EXOC4: variants seen among roughly 807,000 people sequenced by gnomAD.
EXOC4 encodes the protein exocyst complex component 4.
A neutral mutation model predicts 107.2 loss-of-function variants in EXOC4; 71 were observed. That is an observed-to-expected ratio of 0.66 (90% CI 0.55 to 0.81). The LOEUF is 0.81. EXOC4 is among the 30% of genes least tolerant of loss of function. EXOC4 has a pLI of 0.00. For synonymous variants in EXOC4, 456 were observed against 441.2 expected (o/e 1.03, Z -0.42); for missense variants, 1,108 against 1,189.6 (o/e 0.93, Z 1.01).
chr7:133,846,026 A>G lies in EXOC4; in HGVS notation c.1734+28482A>G, dbSNP rs530323727. 4.6e-5 allele frequency among the ~76,000 whole-genome samples: 7 copies of G among 152,170 alleles called. No individual in the cohort carries two copies. The East Asian group carries it at 1.4e-3, about 29-fold the overall frequency. On this transcript the variant is annotated intron_variant, in intron 11 of 17. Transcript: ENST00000253861. ...CCTTTTAATCCTCACAGTCCCCCAC[A>G]CACACACACGAGAACTTTATACCCC... is the stretch of plus-strand genomic sequence containing the variant.
chr7:133,833,822 C>T (rs951724364), intron 11 of EXOC4, among the ~76,000 whole-genome samples: 1 of 152,206 alleles, frequency 6.6e-6, no homozygotes, highest in Non-Finnish European at 1.5e-5. Flanking sequence ...GCCTCGGCCT[C>T]CCAACATGTT....
At chr7:133,461,952 G>A (rs1445701335) in intron 7 of EXOC4, among the ~76,000 whole-genome samples, 1 of 152,160 alleles carries the variant, frequency 6.6e-6, no homozygotes, top group East Asian at 1.9e-4. Context: ...ATTAGAGTGA[G>A]ATATCATAGT....
At chr7:134,041,322 T>A (rs926546263) in intron 17 of EXOC4, among the ~76,000 whole-genome samples, 106 of 152,296 alleles carry the variant, frequency 7.0e-4, no homozygotes, top group African/African-American at 2.5e-3. Flanking sequence ...ATATTCTTAA[T>A]AAAAATGGCA....
In EXOC4 at chr7:133,858,620, C is replaced by T. The variant is rs1033919331; in HGVS notation, c.1735-36979C>T. On this transcript the variant is annotated intron_variant, in intron 11 of 17. Coordinates refer to ENST00000253861, the MANE Select transcript of EXOC4 (RefSeq NM_021807.4). ...TCCTGCTGCTATCATTAATAACCTA[C>T]GACTAAACAGACATAATTTTATTGG... Among the ~76,000 whole-genome samples, 7 of 152,228 alleles carry T rather than the reference C, an allele frequency of 4.6e-5. 1 individual carries two copies. In the South Asian group the frequency reaches 1.5e-3, roughly 32 times the overall value.
intron 10 of EXOC4, among the ~76,000 whole-genome samples, chr7:133,675,552 G>T (rs1451478250): frequency 6.6e-6 from 1 of 152,172 alleles, no homozygotes; most frequent in Non-Finnish European, 1.5e-5. Flanking sequence ...CCATAGTTCT[G>T]TATCAGGGAA....
At chr7:133,886,777 C>G (rs1273575200) in intron 11 of EXOC4, among the ~76,000 whole-genome samples, 1 of 151,966 alleles carries the variant, frequency 6.6e-6, no homozygotes, top group African/African-American at 2.4e-5. Context: ...CTAAAGAGAT[C>G]AAATAAATAA....
chr7:133,995,273 G>A (rs775396339), intron 14 of EXOC4, among the ~76,000 whole-genome samples: 12 of 152,066 alleles, frequency 7.9e-5, no homozygotes, highest in South Asian at 2.1e-4. Context: ...GTTTCTTGGC[G>A]GGATTTGTCC....
chr7:133,505,742 T>C (rs975252392), intron 9 of EXOC4, among the ~76,000 whole-genome samples: 1 of 152,172 alleles, frequency 6.6e-6, no homozygotes, highest in African/African-American at 2.4e-5. Flanking sequence ...AGCTTAATAG[T>C]GTAATAACAA....
At chr7:133,924,633 G>A (rs1036165687) in intron 13 of EXOC4, among the ~76,000 whole-genome samples, 2 of 152,126 alleles carry the variant, frequency 1.3e-5, no homozygotes, top group African/African-American at 4.8e-5. Flanking sequence ...AATCTTAAGT[G>A]TATAACTAAA....
chr7:133,820,567 G>C (rs1368025369), intron 11 of EXOC4, among the ~76,000 whole-genome samples: 1 of 152,172 alleles, frequency 6.6e-6, no homozygotes, highest in East Asian at 1.9e-4. Flanking sequence ...TGTTAAGAAG[G>C]AGCTTGGAGA....
intron 10 of EXOC4, among the ~76,000 whole-genome samples, chr7:133,681,811 G>T (rs1283365943): frequency 6.6e-6 from 1 of 151,922 alleles, no homozygotes; most frequent in Non-Finnish European, 1.5e-5. Context: ...TCCTTCATCG[G>T]TTGTACGTTT....
chr7:133,999,655 G>A (rs754025849), intron 15 of EXOC4, among the ~76,000 whole-genome samples: 13 of 152,114 alleles, frequency 8.5e-5, no homozygotes, highest in Non-Finnish European at 1.6e-4. Context: ...TTCTAATGCC[G>A]CTGTTACCTG....
At chr7:133,379,257 C>A (rs1796560885) in intron 7 of EXOC4, among the ~76,000 whole-genome samples, 1 of 152,010 alleles carries the variant, frequency 6.6e-6, no homozygotes, top group South Asian at 2.1e-4. Context: ...ATTTTTGCCC[C>A]TCCAGTAGAG....
chr7:133,971,243 G>A (rs372502617), intron 14 of EXOC4, among the ~76,000 whole-genome samples: 5 of 148,974 alleles, frequency 3.4e-5, no homozygotes, highest in African/African-American at 9.8e-5. Context: ...TTGTTACGAA[G>A]ACCAGTAGGG....
intron 10 of EXOC4, among the ~76,000 whole-genome samples, chr7:133,713,888 T>C (rs911177819): frequency 6.6e-6 from 1 of 152,166 alleles, no homozygotes; most frequent in Non-Finnish European, 1.5e-5. Context: ...CCTCTTTCCT[T>C]TATAAATTAC....
Position 133,346,612 on chromosome 7 carries a change from A to C in EXOC4, c.764-9718A>C, listed in dbSNP as rs187888306. ...GTCAGTATTCTCAGGCCAGGTTCTC[A>C]TCTGTGGGGCTTCTAGATAAGTAAC... On this transcript the variant is annotated intron_variant, in intron 5 of 17. Coordinates refer to ENST00000253861, the MANE Select transcript of EXOC4 (RefSeq NM_021807.4). Among the ~76,000 whole-genome samples, 484 of 152,142 alleles carry C rather than the reference A, an allele frequency of 3.2e-3. 1 individual carries two copies. The highest frequency in any genetic ancestry group is 5.2e-3 in the Admixed American group (79 of 15,282).
chr7:133,363,120 A>G (rs1178891838), intron 6 of EXOC4, among the ~76,000 whole-genome samples: 2 of 152,216 alleles, frequency 1.3e-5, no homozygotes, highest in East Asian at 3.8e-4. Flanking sequence ...TTAAATCTCT[A>G]CTTTTGATTA....
At chr7:133,680,109 T>C (rs2151067255) in intron 10 of EXOC4, among the ~76,000 whole-genome samples, 2 of 152,314 alleles carry the variant, frequency 1.3e-5, no homozygotes, top group Non-Finnish European at 2.9e-5. Flanking sequence ...GGAGAACAAA[T>C]GGATGTTCCT....
chr7:133,615,642 G>A lies in EXOC4; in HGVS notation c.1418-14403G>A, dbSNP rs532595949. On this transcript the variant is annotated intron_variant, in intron 9 of 17. Coordinates refer to ENST00000253861, the MANE Select transcript of EXOC4 (RefSeq NM_021807.4). Reference sequence around the variant, plus strand: ...CTGCGTTCTCTATTGGTGGAGTGGTGCTTGGCGATTGAGATAAAAAGTGTT... The same window carrying A: ...CTGCGTTCTCTATTGGTGGAGTGGTACTTGGCGATTGAGATAAAAAGTGTT... Among the ~76,000 whole-genome samples the A allele has an allele frequency of 1.1e-4, 16 of 152,230 alleles. 1 individual carries two copies. In the East Asian group the frequency reaches 2.9e-3, roughly 28 times the overall value.
Sources: allele counts gnomAD v4.1 joint callset (sites outside exome capture counted in the v4.1 genomes callset), GRCh38; gene constraint gnomAD v4.1.1; transcripts MANE v1.5; gene names NCBI Gene and HGNC (gene_info 2026-07-23, HGNC 2026-07-21).